NELL1: variants seen among roughly 807,000 people sequenced by gnomAD.
The protein encoded by NELL1 is protein kinase C-binding protein NELL1.
A neutral mutation model predicts 107.4 loss-of-function variants in NELL1; 76 were observed. The observed-to-expected ratio is 0.71, with a 90% CI of 0.59 to 0.86. NELL1 has a LOEUF of 0.86. Among genes scored for constraint, NELL1 ranks in the 40% least tolerant of loss-of-function variants. The pLI, the probability that NELL1 is intolerant of heterozygous loss-of-function variation, is 0.00. For missense variants in NELL1, 1,024 were observed against 1,005.5 expected (o/e 1.02, Z -0.25); for synonymous variants, 353 against 341.2 (o/e 1.03, Z -0.38).
At chr11:21,100,974 T>C (rs1221408450) in intron 12 of NELL1, among the ~76,000 whole-genome samples, 3 of 151,582 alleles carry the variant, frequency 2.0e-5, no homozygotes, top group Admixed American at 1.3e-4. Flanking sequence ...TATCTCCAAA[T>C]GCTATCCCTC....
chr11:20,920,914 C>T (rs941326230), intron 7 of NELL1, among the ~76,000 whole-genome samples: 4 of 152,022 alleles, frequency 2.6e-5, no homozygotes, highest in African/African-American at 9.7e-5. Flanking sequence ...CTAAACCTCC[C>T]TTTGGCACTT....
chr11:20,846,416 T>G (rs960774088), intron 3 of NELL1, among the ~76,000 whole-genome samples: 1 of 152,188 alleles, frequency 6.6e-6, no homozygotes, highest in African/African-American at 2.4e-5. Flanking sequence ...CTTGTGGGGT[T>G]AGCCAGCTCA....
intron 14 of NELL1, among the ~76,000 whole-genome samples, chr11:21,322,986 A>C (rs1850047594): frequency 6.6e-6 from 1 of 152,084 alleles, no homozygotes; most frequent in African/African-American, 2.4e-5. Flanking sequence ...TTGTATAAAA[A>C]AGTGATCGGC....
intron 3 of NELL1, among the ~76,000 whole-genome samples, chr11:20,841,981 G>A (rs1317192278): frequency 6.6e-6 from 1 of 152,158 alleles, no homozygotes; most frequent in South Asian, 2.1e-4. Flanking sequence ...CATAGCCATT[G>A]AGACCCCTGG....
intron 2 of NELL1, among the ~76,000 whole-genome samples, chr11:20,695,008 C>T (rs1321573548): frequency 1.3e-5 from 2 of 151,956 alleles, no homozygotes; most frequent in Non-Finnish European, 2.9e-5. Context: ...GAGCTTTCAC[C>T]TCCATTGTTA....
intron 14 of NELL1, among the ~76,000 whole-genome samples, chr11:21,230,105 A>C (rs1057153413): frequency 1.3e-5 from 2 of 152,062 alleles, no homozygotes; most frequent in Non-Finnish European, 2.9e-5. Flanking sequence ...TCTCTACTCA[A>C]ATGTCTCCTC....
intron 14 of NELL1, among the ~76,000 whole-genome samples, chr11:21,336,912 TTAAA>T (rs994899432): frequency 6.6e-6 from 1 of 151,966 alleles, no homozygotes; most frequent in African/African-American, 2.4e-5. Context: ...AGAATAATGC[TTAAA>T]TAAAGAGATA....
chr11:20,940,028 T>TG (rs1850815502), intron 10 of NELL1, among the ~76,000 whole-genome samples: 1 of 152,306 alleles, frequency 6.6e-6, no homozygotes, highest in Non-Finnish European at 1.5e-5. Context: ...TGGTGGCTGC[T>TG]GCAGCTAGAA....
chr11:21,262,949 A>G (rs1405346935), intron 14 of NELL1, among the ~76,000 whole-genome samples: 2 of 151,728 alleles, frequency 1.3e-5, no homozygotes, highest in African/African-American at 2.4e-5. Flanking sequence ...CTTATTTTAC[A>G]TATATTTGTC....
intron 4 of NELL1, among the ~76,000 whole-genome samples, chr11:20,869,655 A>G (rs925395142): frequency 6.6e-6 from 1 of 152,218 alleles, no homozygotes; most frequent in Non-Finnish European, 1.5e-5. Flanking sequence ...ACCAAGGCAA[A>G]TAAGAGCTGG....
chr11:21,475,120 G>T (rs774227505), intron 15 of NELL1, among the ~76,000 whole-genome samples: 3 of 152,060 alleles, frequency 2.0e-5, no homozygotes, highest in Non-Finnish European at 2.9e-5. Context: ...AAAGCTAAAA[G>T]CAAAATCTAA....
rs68140364 is a variant in NELL1 at position 20,981,956 on chromosome 11, T to TTCTCTCTCTCTCTCTCTC, written c.1300+21404_1300+21421dup. 1.1e-4 allele frequency among the ~76,000 whole-genome samples: 17 copies of TTCTCTCTCTCTCTCTCTC among 148,656 alleles called. No homozygotes were observed. In the East Asian group the frequency reaches 1.4e-3, roughly 12 times the overall value. On this transcript the variant is annotated intron_variant, in intron 12 of 19. Coordinates refer to ENST00000357134, the MANE Select transcript of NELL1 (RefSeq NM_006157.5). ...ACAATGTCACCAGGGCTCTCTCTCT[T>TTCTCTCTCTCTCTCTCTC]TCTCTCTCTCTCTCTCTCTCTCTCT...
intron 13 of NELL1, among the ~76,000 whole-genome samples, chr11:21,116,507 C>G (rs943030136): frequency 6.6e-6 from 1 of 151,962 alleles, no homozygotes; most frequent in African/African-American, 2.4e-5. Flanking sequence ...CACATAGATG[C>G]TTAGTAGGAA....
intron 15 of NELL1, among the ~76,000 whole-genome samples, chr11:21,512,885 C>T (rs1170249555): frequency 3.9e-5 from 6 of 152,052 alleles, no homozygotes; most frequent in East Asian, 1.9e-4. Context: ...AACCTATTAC[C>T]GCCAATGCTT....
chr11:20,716,558 C>T (rs7941272), intron 2 of NELL1, among the ~76,000 whole-genome samples: 4,386 of 152,216 alleles, frequency 0.029, 148 homozygotes, highest in African/African-American at 0.081. Context: ...TGTCCATGTA[C>T]GTGTGTATGT....
chr11:20,879,725 A>G (rs771954627), intron 4 of NELL1, among the ~76,000 whole-genome samples: 6 of 152,250 alleles, frequency 3.9e-5, no homozygotes, highest in Non-Finnish European at 7.3e-5. Flanking sequence ...TTCCACAAAA[A>G]TAAAACTTTT....
intron 12 of NELL1, among the ~76,000 whole-genome samples, chr11:21,063,560 G>A (rs904376411): frequency 1.3e-5 from 2 of 152,064 alleles, no homozygotes; most frequent in African/African-American, 4.8e-5. Context: ...TGATACAGGA[G>A]GCTCATATAT....
chr11:20,837,053 C>T (rs558727502), intron 3 of NELL1, among the ~76,000 whole-genome samples: 20 of 151,984 alleles, frequency 1.3e-4, no homozygotes, highest in Non-Finnish European at 2.1e-4. Context: ...ACCTCAACAA[C>T]GGGGATTGGG....
intron 11 of NELL1, among the ~76,000 whole-genome samples, chr11:20,955,934 G>A (rs1851160920): frequency 6.6e-6 from 1 of 152,072 alleles, no homozygotes; most frequent in Non-Finnish European, 1.5e-5. Context: ...AACATGATCA[G>A]TATGGGCCAG....
Sources: gnomAD v4.1 joint callset for allele counts (sites outside exome capture counted in the v4.1 genomes callset) on GRCh38, gnomAD v4.1.1 for gene constraint, MANE v1.5 for transcripts, NCBI Gene and HGNC (gene_info 2026-07-23, HGNC 2026-07-21) for gene names.